The following CUX1 variants were observed in gnomAD, a reference collection of about 807,000 sequenced individuals.
CUX1 encodes cut like homeobox 1, also known as protein CASP.
A neutral mutation model predicts 158.8 loss-of-function variants in CUX1; 31 were observed. The ratio of observed to expected loss-of-function variants is 0.20; its 90% CI spans 0.15 to 0.26. The LOEUF is 0.26. CUX1 is among the 10% of genes least tolerant of loss of function. The pLI is 1.00. For synonymous variants in CUX1, 879 were observed against 862.1 expected (o/e 1.02, Z -0.34); for missense variants, 1,589 against 2,014.6 (o/e 0.79, Z 4.04).
rs1476969684 is a variant in CUX1, at chr7:102,163,277, T to C, written c.723+4669T>C. Among the ~76,000 whole-genome samples, 3 of 150,304 alleles carry C rather than the reference T, an allele frequency of 2.0e-5. No homozygotes were observed. The South Asian group carries it at 6.3e-4, about 32-fold the overall frequency. On this transcript the variant is annotated intron_variant, in intron 9 of 23. Transcript: ENST00000292535. ...GAGGCAGGAGCATCACTTGAGCCCA[T>C]GAGTTTGAGACCAGCCTGGGCAACA...
At chr7:102,123,640 C>T (rs1832304926) in intron 8 of CUX1, among the ~76,000 whole-genome samples, 1 of 150,760 alleles carries the variant, frequency 6.6e-6, no homozygotes, top group African/African-American at 2.4e-5. Context: ...ATCATACAGT[C>T]TCTCAACCAG....
At chr7:102,160,551 C>G (rs573648773) in intron 9 of CUX1, among the ~76,000 whole-genome samples, 1 of 152,122 alleles carries the variant, frequency 6.6e-6, no homozygotes. Context: ...CGCAATGACA[C>G]GGGTTCAGTT....
rs1366320778 is a variant in CUX1 at position 102,257,662 on chromosome 7, C to G, written c.*8620C>G. 2.0e-6 allele frequency: 2 copies of G among 985,318 alleles called. No homozygotes were observed. Among genetic ancestry groups the G allele is most frequent in the Admixed American group, 6.2e-5 (1 of 16,258 alleles). 61.0% of individuals were successfully genotyped at this position (985,318 alleles called of 1,614,324 possible). ...CTACTAACAGCACAAGACGCACTCA[C>G]AGGGTGGCGGAATCTTCCGGAAAAC... On this transcript the variant is annotated 3_prime_UTR_variant, in exon 24 of 24. Coordinates refer to ENST00000292535, the MANE Select transcript of CUX1 (RefSeq NM_181552.4).
chr7:102,113,201 G>C (rs531172820), intron 7 of CUX1, among the ~76,000 whole-genome samples: 1 of 152,272 alleles, frequency 6.6e-6, no homozygotes, highest in African/African-American at 2.4e-5. Context: ...ATTAGTGAAA[G>C]ACTGTTTTGC....
chr7:102,129,482 G>A lies in CUX1; in HGVS notation c.674+14209G>A, dbSNP rs200667718. On this transcript the variant is annotated intron_variant, in intron 8 of 23. Coordinates refer to ENST00000292535, the MANE Select transcript of CUX1 (RefSeq NM_181552.4). ...GCAGATCACTTGAGGTCAGGAGTTC[G>A]AGACCAGCCTGGCCAACATGGTAAA... Among the ~76,000 whole-genome samples, 24 of 152,104 alleles carry A rather than the reference G, an allele frequency of 1.6e-4. No homozygotes were observed. The East Asian group carries it at 3.9e-3, about 25-fold the overall frequency.
At position 102,257,277 on chromosome 7, in the gene CUX1, G is replaced by A. The variant is rs1316015613; in HGVS notation, c.*8235G>A. 1.1e-5 allele frequency: 11 copies of A among 983,912 alleles called. No individual in the cohort carries two copies. Among genetic ancestry groups the A allele is most frequent in the African/African-American group, 7.0e-5 (4 of 56,862 alleles). 60.9% of individuals were successfully genotyped at this position (983,912 alleles called of 1,614,324 possible). On this transcript the variant is annotated 3_prime_UTR_variant, in exon 24 of 24. Coordinates refer to ENST00000292535, the MANE Select transcript of CUX1 (RefSeq NM_181552.4). ...CTCTCTTTGAAAGAAACCCTCCACCGAAACAATGGTCCCCATCTCCCCAGA... is the reference window on the plus strand; with the variant it reads ...CTCTCTTTGAAAGAAACCCTCCACCAAAACAATGGTCCCCATCTCCCCAGA...
chr7:102,016,590 C>T (rs192229109), intron 2 of CUX1, among the ~76,000 whole-genome samples: 70 of 152,340 alleles, frequency 4.6e-4, no homozygotes, highest in Admixed American at 3.4e-3. Flanking sequence ...CCAGCCTGGA[C>T]GACAGAGCGA....
rs925961483 is a variant in CUX1, at chr7:102,026,839, A to C, written c.142-1259A>C. ...TCTTTAAAAAAAAAAAAAAAAAAAA[A>C]AAAAACATAGTTTCAATGCCTAAAC... is the stretch of plus-strand genomic sequence containing the variant. On this transcript the variant is annotated intron_variant, in intron 2 of 23. Coordinates refer to ENST00000292535, the MANE Select transcript of CUX1 (RefSeq NM_181552.4). Among the ~76,000 whole-genome samples, 66 of 151,860 alleles carry C rather than the reference A, an allele frequency of 4.3e-4. 1 individual carries two copies. The highest frequency in any genetic ancestry group is 2.0e-3 in the Admixed American group (31 of 15,216).
chr7:102,047,089 G>T (rs1822906369), intron 3 of CUX1, among the ~76,000 whole-genome samples: 1 of 152,192 alleles, frequency 6.6e-6, no homozygotes, highest in African/African-American at 2.4e-5. Flanking sequence ...TTAAATATTT[G>T]TGGAGCATGT....
chr7:102,018,077 C>G (rs1038620291), intron 2 of CUX1, among the ~76,000 whole-genome samples: 11 of 152,162 alleles, frequency 7.2e-5, no homozygotes, highest in Non-Finnish European at 1.3e-4. Flanking sequence ...CCACCTCACC[C>G]TTCCGAGTAG....
At chr7:102,176,632 G>A (rs1439259943) in intron 10 of CUX1, among the ~76,000 whole-genome samples, 2 of 131,550 alleles carry the variant, frequency 1.5e-5, no homozygotes, top group African/African-American at 2.9e-5. Flanking sequence ...GGTCAGTGGT[G>A]CAATCATGGC....
intron 2 of CUX1, among the ~76,000 whole-genome samples, chr7:101,952,672 G>A (rs1809225614): frequency 6.6e-6 from 1 of 152,104 alleles, no homozygotes; most frequent in African/African-American, 2.4e-5. Flanking sequence ...TCCCACCCAC[G>A]CATTTGCACA....
chr7:101,897,023 C>T (rs1049754882), intron 1 of CUX1, among the ~76,000 whole-genome samples: 1 of 152,248 alleles, frequency 6.6e-6, no homozygotes, highest in African/African-American at 2.4e-5. Context: ...GTCACGCACA[C>T]ACAACTGTCT....
chr7:102,252,621 CGG>C lies in CUX1; in HGVS notation c.*3580_*3581del, dbSNP rs1554540565. 1.0e-6 allele frequency: 1 copy of C among 985,302 alleles called. No homozygotes were observed. Among genetic ancestry groups the C allele is most frequent in the Admixed American group, 6.2e-5 (1 of 16,258 alleles). 61.0% of individuals were successfully genotyped at this position (985,302 alleles called of 1,614,324 possible). A position where few individuals can be genotyped will look rare whatever the true frequency, so the allele number is the denominator to read the frequency against. On this transcript the variant is annotated 3_prime_UTR_variant, in exon 24 of 24. Transcript: ENST00000292535. Reference sequence around the variant, plus strand: ...AGTGTTTGCATTTAGCCTCTTGACCCGGAGTTCCGGCCCAAGCTCCCTTGTGA... The same window carrying C: ...AGTGTTTGCATTTAGCCTCTTGACCCAGTTCCGGCCCAAGCTCCCTTGTGA...
intron 3 of CUX1, among the ~76,000 whole-genome samples, chr7:102,030,689 G>GTTTTTTTTTTTTTTT (rs1585341128): frequency 1.2e-5 from 1 of 82,536 alleles, no homozygotes; most frequent in Non-Finnish European, 2.1e-5. Context: ...ATTTTAAAAA[G>GTTTTTTTTTTTTTTT]TGTTTTTTTT....
intron 1 of CUX1, among the ~76,000 whole-genome samples, chr7:101,843,184 G>T (rs1795351024): frequency 6.6e-6 from 1 of 151,708 alleles, no homozygotes; most frequent in Non-Finnish European, 1.5e-5. Context: ...TATTTTTTTT[G>T]TTTGTTTTTG....
chr7:102,073,247 C>T (rs147993491), intron 4 of CUX1, among the ~76,000 whole-genome samples: 11 of 126,250 alleles, frequency 8.7e-5, no homozygotes, highest in Non-Finnish European at 1.6e-4. Context: ...GATCTTGGCT[C>T]ACTGCAACCT....
chr7:102,107,235 A>AAAAAG (rs797024652), intron 6 of CUX1, among the ~76,000 whole-genome samples: 6 of 150,480 alleles, frequency 4.0e-5, no homozygotes, highest in Admixed American at 6.6e-5. Flanking sequence ...CCTTGTCTCA[A>AAAAAG]AAAAGAAAAG....
chr7:101,955,345 T>A (rs1809629029), intron 2 of CUX1, among the ~76,000 whole-genome samples: 1 of 152,188 alleles, frequency 6.6e-6, no homozygotes, highest in South Asian at 2.1e-4. Flanking sequence ...GCTGCTTGTA[T>A]TCACTGTGCT....
Sources: gnomAD v4.1 joint callset for allele counts (sites outside exome capture counted in the v4.1 genomes callset) on GRCh38, gnomAD v4.1.1 for gene constraint, MANE v1.5 for transcripts, NCBI Gene and HGNC (gene_info 2026-07-23, HGNC 2026-07-21) for gene names.